The following GGACT variants were observed in gnomAD, a reference collection of about 807,000 sequenced individuals.
GGACT encodes gamma-glutamylaminecyclotransferase.
For missense variants in GGACT, 241 were observed against 233.2 expected, an observed-to-expected ratio of 1.03 and a Z score of -0.22; for synonymous variants, 118 against 115.3, an observed-to-expected ratio of 1.02 and a Z score of -0.15.
chr13:100,541,397 TTCC>T (rs2088553438), intron 2 of GGACT, among the ~76,000 whole-genome samples: 1 of 152,186 alleles, frequency 6.6e-6, no homozygotes, highest in South Asian at 2.1e-4. Flanking sequence ...GAGCTTCCAT[TTCC>T]TCCTATTTAC....
At chr13:100,553,470 C>T (rs1268511569) in intron 2 of GGACT, among the ~76,000 whole-genome samples, 1 of 152,158 alleles carries the variant, frequency 6.6e-6, no homozygotes, top group Non-Finnish European at 1.5e-5. Context: ...GGGGCAGCAA[C>T]ACGATGGCAT....
intron 2 of GGACT, among the ~76,000 whole-genome samples, chr13:100,583,331 A>AT (rs1566540801): frequency 6.6e-6 from 1 of 152,182 alleles, no homozygotes; most frequent in Non-Finnish European, 1.5e-5. Flanking sequence ...TAAAATTAAA[A>AT]TTTTTTGCAA....
In GGACT at chr13:100,557,344, C is replaced by G. The variant is rs530226924; in HGVS notation, c.-10-24743G>C. ...CGGGCTGCACAACTTTGTGAATATA[C>G]TAAGACCCACTTACTTGTATACTTT... On this transcript the variant is annotated intron_variant, in intron 2 of 2. Coordinates refer to ENST00000683975, the MANE Select transcript of GGACT (RefSeq NM_001195087.2). Among the ~76,000 whole-genome samples the G allele has an allele frequency of 6.6e-5, 10 of 152,274 alleles. No individual in the cohort carries two copies. In the South Asian group the frequency reaches 2.1e-3, roughly 32 times the overall value.
intron 2 of GGACT, chr13:100,536,153 C>T (rs2088488751): frequency 6.6e-6 from 1 of 152,172 alleles, no homozygotes; most frequent in African/African-American, 2.4e-5. Context: ...GATCCAGGTC[C>T]CCTGTGTGTG....
rs2088779299 is a variant in GGACT at position 100,563,039 on chromosome 13, G to A, written c.-11+20786C>T. 2.6e-5 allele frequency among the ~76,000 whole-genome samples: 4 copies of A among 152,126 alleles called. No homozygotes were observed. The South Asian group carries it at 8.3e-4, about 32-fold the overall frequency. ...ATCAAGCCAAGCAGAGGCTTCCAGAGAAACCAACCCTGCCGGCCCCTGATC... is the reference window on the plus strand; with the variant it reads ...ATCAAGCCAAGCAGAGGCTTCCAGAAAAACCAACCCTGCCGGCCCCTGATC... On this transcript the variant is annotated intron_variant, in intron 2 of 2. Transcript: ENST00000683975.
At chr13:100,579,021 T>C (rs1566539777) in intron 2 of GGACT, 4 of 152,260 alleles carry the variant, frequency 2.6e-5, no homozygotes, top group South Asian at 2.1e-4. Context: ...CATATACTCT[T>C]CCTTACTCTA....
Position 100,545,119 on chromosome 13 carries a change from C to T in GGACT, c.-10-12518G>A, listed in dbSNP as rs535603693. On this transcript the variant is annotated intron_variant, in intron 2 of 2. Transcript: ENST00000683975. This position sits in a 1 kb window ranked among gnomAD's most constrained non-coding sequence, Gnocchi z 4.4. ...GTCAACCTCGTCACACAGGGCCAAC[C>T]TGCAGGCACGGCCTCAGGAACCTGG... Among the ~76,000 whole-genome samples, 22 of 152,344 alleles carry T rather than the reference C, an allele frequency of 1.4e-4. No individual in the cohort carries two copies. In the East Asian group the frequency reaches 4.1e-3, roughly 28 times the overall value.
At chr13:100,538,286 G>T (rs1352393972) in intron 2 of GGACT, 1 of 152,184 alleles carries the variant, frequency 6.6e-6, no homozygotes, top group Admixed American at 6.5e-5. Flanking sequence ...GTCAAGTATG[G>T]TGGAGGACTC....
intron 2 of GGACT, among the ~76,000 whole-genome samples, chr13:100,562,162 G>T (rs1185700406): frequency 6.6e-6 from 1 of 152,042 alleles, no homozygotes; most frequent in African/African-American, 2.4e-5. Context: ...GAAGTACACA[G>T]AAGTTGTGAA....
At chr13:100,570,380 C>T (rs537044850) in intron 2 of GGACT, among the ~76,000 whole-genome samples, 70 of 152,166 alleles carry the variant, frequency 4.6e-4, no homozygotes, top group African/African-American at 1.6e-3. Flanking sequence ...TGTCCTTTTT[C>T]ACATGGTGGC....
chr13:100,535,318 C>A (rs146542914), intron 2 of GGACT, among the ~76,000 whole-genome samples: 22 of 152,352 alleles, frequency 1.4e-4, no homozygotes, highest in Middle Eastern at 3.4e-3. Context: ...TTGTGTTCAG[C>A]ATTTATCTCC....
At chr13:100,543,675 GC>G (rs1566530522) in intron 2 of GGACT, among the ~76,000 whole-genome samples, 1 of 152,182 alleles carries the variant, frequency 6.6e-6, no homozygotes, top group African/African-American at 2.4e-5. Flanking sequence ...AATGCATACT[GC>G]CAGTTGGCAA....
intron 2 of GGACT, among the ~76,000 whole-genome samples, chr13:100,546,693 G>C (rs1429659504): frequency 6.6e-6 from 1 of 152,144 alleles, no homozygotes; most frequent in East Asian, 1.9e-4. Context: ...AACAAATATG[G>C]AATATGTAAT....
At chr13:100,537,064 C>G (rs2088501953) in intron 2 of GGACT, 2 of 152,330 alleles carry the variant, frequency 1.3e-5, no homozygotes, top group African/African-American at 2.4e-5. Context: ...TAGGTTAAGT[C>G]TGCTGTCACT....
chr13:100,530,358 T>C lies in GGACT; in HGVS notation c.*1772A>G. ...GGAAATTTTCATTGATATAAATACT[T>C]GTACATATGATTTGTACTTCTGCTG... On this transcript the variant is annotated 3_prime_UTR_variant, in exon 3 of 3. Coordinates refer to ENST00000683975, the MANE Select transcript of GGACT (RefSeq NM_001195087.2). The C allele has an allele frequency of 1.6e-6, 1 of 640,896 alleles. No homozygotes were observed. The highest frequency in any genetic ancestry group is 2.7e-5 in the East Asian group (1 of 36,486). The allele number at this position is 640,896 out of a possible 1,614,324, so 39.7% of individuals were successfully genotyped here.
At chr13:100,535,880 G>A (rs969642420) in intron 2 of GGACT, 36 of 151,784 alleles carry the variant, frequency 2.4e-4, no homozygotes, top group Admixed American at 2.0e-3. Flanking sequence ...GCCAGAACCC[G>A]GGTCCTGACC....
intron 2 of GGACT, among the ~76,000 whole-genome samples, chr13:100,549,329 C>T (rs1188551038): frequency 6.6e-6 from 1 of 152,216 alleles, no homozygotes; most frequent in Non-Finnish European, 1.5e-5. Flanking sequence ...ACGAGTGAAA[C>T]TCCGTCTCAA....
At chr13:100,543,178 G>A (rs1169251239) in intron 2 of GGACT, among the ~76,000 whole-genome samples, 1 of 126,118 alleles carries the variant, frequency 7.9e-6, no homozygotes, top group African/African-American at 2.9e-5. Flanking sequence ...TTTACAAAAG[G>A]ATTTTAAAAA....
Position 100,530,307 on chromosome 13 carries a change from C to G in GGACT, c.*1823G>C. The G allele has an allele frequency of 1.4e-6, 1 of 725,216 alleles. No homozygotes were observed. The highest frequency in any genetic ancestry group is 1.5e-5 in the South Asian group (1 of 65,298). The allele number at this position is 725,216 out of a possible 1,614,324, so 44.9% of individuals were successfully genotyped here. A position where few individuals can be genotyped will look rare whatever the true frequency, so the allele number is the denominator to read the frequency against. On this transcript the variant is annotated 3_prime_UTR_variant, in exon 3 of 3. Transcript: ENST00000683975. ...GTCATTTATTCCACAGAGTCAAGAC[C>G]AATATTCTGCCAAAAAATCACCAAT...
Sources: allele counts gnomAD v4.1 joint callset (sites outside exome capture counted in the v4.1 genomes callset), GRCh38; gene constraint gnomAD v4.1.1; non-coding constraint Gnocchi (gnomAD v3.1); transcripts MANE v1.5; gene names NCBI Gene and HGNC (gene_info 2026-07-23, HGNC 2026-07-21).